The following FOXP1 variants were observed in gnomAD, a reference collection of about 807,000 sequenced individuals.
The protein encoded by FOXP1 is forkhead box P1, also known as forkhead box protein P1.
In FOXP1, 15 loss-of-function variants were observed where a neutral mutation model predicts 98.2. That is an observed-to-expected ratio of 0.15 (90% CI 0.10 to 0.24). The LOEUF (loss-of-function observed/expected upper bound fraction) is 0.24. FOXP1 is among the 10% of genes least tolerant of loss of function. The pLI is 1.00. For synonymous variants in FOXP1, 371 were observed against 314.5 expected (o/e 1.18, Z -1.90); for missense variants, 633 against 848.5 (o/e 0.75, Z 3.15).
chr3:70,976,582 C>T (rs2037582355), intron 17 of FOXP1, among the ~76,000 whole-genome samples: 1 of 152,210 alleles, frequency 6.6e-6, no homozygotes, highest in African/African-American at 2.4e-5. Context: ...AGATACATCT[C>T]TGCAAATATC....
intron 6 of FOXP1, among the ~76,000 whole-genome samples, chr3:71,150,688 T>C (rs2060526685): frequency 6.6e-6 from 1 of 152,188 alleles, no homozygotes; most frequent in South Asian, 2.1e-4. Flanking sequence ...CTAATTTAAA[T>C]TAATGAGTTA....
At chr3:71,199,200 G>A (rs891067493) in intron 5 of FOXP1, among the ~76,000 whole-genome samples, 1 of 151,674 alleles carries the variant, frequency 6.6e-6, no homozygotes, top group Non-Finnish European at 1.5e-5. Context: ...CGCCTCCCGG[G>A]CTCAAGCAAT....
chr3:70,959,158 T>A lies in FOXP1; in HGVS notation c.*89A>T. ...AAAATCCTCCAGACTGTACAACAAATGGAGAACAATTTCACTGCTAACTTT... is the reference window on the plus strand; with the variant it reads ...AAAATCCTCCAGACTGTACAACAAAAGGAGAACAATTTCACTGCTAACTTT... On this transcript the variant is annotated 3_prime_UTR_variant, in exon 21 of 21. Transcript: ENST00000649528. 6.8e-7 allele frequency: 1 copy of A among 1,478,228 alleles called. No individual in the cohort carries two copies. The highest frequency in any genetic ancestry group is 1.7e-5 in the Admixed American group (1 of 59,386). 91.6% of individuals were successfully genotyped at this position (1,478,228 alleles called of 1,614,324 possible).
At chr3:71,156,093 T>TTA (rs780648698) in intron 6 of FOXP1, among the ~76,000 whole-genome samples, 2 of 152,102 alleles carry the variant, frequency 1.3e-5, no homozygotes, top group Non-Finnish European at 2.9e-5. Flanking sequence ...AGATGAACAC[T>TTA]TAATTGAGAG....
chr3:71,237,582 T>C (rs1400132045), intron 5 of FOXP1, among the ~76,000 whole-genome samples: 2 of 152,148 alleles, frequency 1.3e-5, no homozygotes, highest in South Asian at 2.1e-4. Flanking sequence ...CATGCTTGAA[T>C]TGGGATTGCA....
At chr3:70,964,939 G>C (rs538381443) in intron 20 of FOXP1, among the ~76,000 whole-genome samples, 35 of 152,148 alleles carry the variant, frequency 2.3e-4, no homozygotes, top group Non-Finnish European at 4.4e-4. Context: ...TTTCCATTCC[G>C]ATCACTTAAA....
At chr3:71,286,835 G>A (rs1438106194) in intron 5 of FOXP1, among the ~76,000 whole-genome samples, 1 of 152,180 alleles carries the variant, frequency 6.6e-6, no homozygotes, top group Non-Finnish European at 1.5e-5. Flanking sequence ...TTATGTGCCT[G>A]GAATTCATTT....
At chr3:70,961,686 C>A (rs183054952) in intron 20 of FOXP1, among the ~76,000 whole-genome samples, 1 of 151,940 alleles carries the variant, frequency 6.6e-6, no homozygotes, top group Non-Finnish European at 1.5e-5. Context: ...GGACTGGCTG[C>A]ATAATTTTGG....
chr3:71,254,823 T>C (rs1414123444), intron 5 of FOXP1, among the ~76,000 whole-genome samples: 2 of 152,210 alleles, frequency 1.3e-5, no homozygotes, highest in African/African-American at 4.8e-5. Context: ...TTCATATCTC[T>C]ACTATAGGGT....
intron 3 of FOXP1, among the ~76,000 whole-genome samples, chr3:71,484,428 AGT>A (rs2090509285): frequency 2.0e-5 from 3 of 152,238 alleles, no homozygotes; most frequent in Non-Finnish European, 4.4e-5. Context: ...CCCACCAAAT[AGT>A]GCCACCTGGA....
At chr3:71,095,266 G>T (rs746167877) in intron 7 of FOXP1, among the ~76,000 whole-genome samples, 1 of 152,168 alleles carries the variant, frequency 6.6e-6, no homozygotes, top group African/African-American at 2.4e-5. Context: ...ATATTAGACT[G>T]CCTACTGCCA....
intron 3 of FOXP1, among the ~76,000 whole-genome samples, chr3:71,371,792 C>T (rs1024377031): frequency 7.2e-5 from 11 of 152,036 alleles, no homozygotes; most frequent in African/African-American, 2.7e-4. Flanking sequence ...CCCAGTCCTT[C>T]GCCCCGGTAT....
intron 4 of FOXP1, among the ~76,000 whole-genome samples, chr3:71,351,994 A>C (rs1201842905): frequency 1.3e-5 from 2 of 152,232 alleles, no homozygotes; most frequent in Admixed American, 6.5e-5. Context: ...GTTAGCAAAA[A>C]GAAAGCATTT....
chr3:71,139,215 G>A lies in FOXP1; in HGVS notation c.181-26578C>T, dbSNP rs145945057. Among the ~76,000 whole-genome samples, 294 of 152,232 alleles carry A rather than the reference G, an allele frequency of 1.9e-3. 2 individuals carry two copies. The highest frequency in any genetic ancestry group is 0.01 in the Middle Eastern group (3 of 294). ...GCTTTCCCGGGCTAATTGGGGTAAC[G>A]CAGAATCTCCTGGTCCTCTGTTCTG... is the stretch of plus-strand genomic sequence containing the variant. On this transcript the variant is annotated intron_variant, in intron 6 of 20. Transcript: ENST00000649528.
At chr3:71,209,787 G>A (rs955076092) in intron 5 of FOXP1, among the ~76,000 whole-genome samples, 6 of 151,992 alleles carry the variant, frequency 3.9e-5, no homozygotes, top group African/African-American at 9.7e-5. Flanking sequence ...AAACACAATC[G>A]GCAATTAAAA....
At chr3:71,522,146 C>T (rs746566186) in intron 2 of FOXP1, among the ~76,000 whole-genome samples, 9 of 152,264 alleles carry the variant, frequency 5.9e-5, no homozygotes, top group Non-Finnish European at 1.2e-4. Context: ...CCAAGAGTTC[C>T]GAGAGAGACA....
chr3:71,510,439 T>C (rs2042124197), intron 2 of FOXP1, among the ~76,000 whole-genome samples: 1 of 152,038 alleles, frequency 6.6e-6, no homozygotes, highest in Admixed American at 6.6e-5. Flanking sequence ...ATCCCACCAC[T>C]GCACTCCAGC....
chr3:71,043,461 G>A (rs1232793056), intron 10 of FOXP1, among the ~76,000 whole-genome samples: 3 of 152,094 alleles, frequency 2.0e-5, no homozygotes, highest in Admixed American at 6.6e-5. Context: ...GGTGGGATGC[G>A]TTTGTAGCTA....
intron 3 of FOXP1, among the ~76,000 whole-genome samples, chr3:71,392,913 A>T (rs1436709977): frequency 1.3e-5 from 2 of 152,344 alleles, no homozygotes; most frequent in East Asian, 3.9e-4. Flanking sequence ...TACAAAAAGA[A>T]CAAATGAAAA....
Sources: allele counts gnomAD v4.1 joint callset (sites outside exome capture counted in the v4.1 genomes callset), GRCh38; gene constraint gnomAD v4.1.1; transcripts MANE v1.5; gene names NCBI Gene and HGNC (gene_info 2026-07-23, HGNC 2026-07-21).